Variants in PPFIA4 observed in about 807,000 individuals in gnomAD.
The protein encoded by PPFIA4 is liprin-alpha-4.
Under a neutral mutation model 145.7 loss-of-function variants are expected in PPFIA4, and 98 were observed. That is an observed-to-expected ratio of 0.67 (90% CI 0.57 to 0.80). PPFIA4 has a LOEUF of 0.80. Ranked by LOEUF, PPFIA4 falls within the 30% of genes least tolerant of loss-of-function variation. The probability of loss-of-function intolerance (pLI) is 0.00; values close to 1 mark genes in which losing one functional copy is unlikely to be tolerated. For synonymous variants in PPFIA4, 628 were observed against 649.6 expected (o/e 0.97, Z 0.51); for missense variants, 1,457 against 1,632.7 (o/e 0.89, Z 1.85).
chr1:203,073,139 G>A (rs1289949376), intron 28 of PPFIA4, among the ~76,000 whole-genome samples: 1 of 152,188 alleles, frequency 6.6e-6, no homozygotes, highest in East Asian at 1.9e-4. Flanking sequence ...AGGCATGGTG[G>A]TTAGTGATGA....
rs1662224749 is a variant in PPFIA4 at position 203,072,277 on chromosome 1, AAC to A, written c.3393+522_3393+523del. 4.6e-5 allele frequency among the ~76,000 whole-genome samples: 7 copies of A among 152,208 alleles called. No individual in the cohort carries two copies. The South Asian group carries it at 1.5e-3, about 32-fold the overall frequency. On this transcript the variant is annotated intron_variant, in intron 28 of 29. Coordinates refer to ENST00000295706, the MANE Select transcript of PPFIA4 (RefSeq NM_001304331.2). ...GCTCCCAGTGCAGTCTGCACAGTTA[AAC>A]ACACGCTCGGGCTTTTACCATCCCA...
At chr1:203,046,072 C>T in intron 8 of PPFIA4, 85 bp downstream of exon 8, 2 of 1,584,706 alleles carry the variant, frequency 1.3e-6, no homozygotes, top group Non-Finnish European at 1.7e-6. Flanking sequence ...GGCTGAGGAG[C>T]CCCTGGGGTC....
intron 15 of PPFIA4, among the ~76,000 whole-genome samples, chr1:203,054,359 CAA>C (rs1191772805): frequency 2.0e-5 from 3 of 152,114 alleles, no homozygotes; most frequent in Non-Finnish European, 4.4e-5. Flanking sequence ...GTTTTACAGA[CAA>C]GGGAACAGAA....
intron 27 of PPFIA4, 83 bp from the exon 28 acceptor site, chr1:203,071,609 C>A: frequency 8.8e-7 from 1 of 1,131,728 alleles, no homozygotes; most frequent in Non-Finnish European, 1.3e-6. Context: ...GACCTTGGAC[C>A]CTTGGAAAAT....
Position 203,048,772 on chromosome 1 carries a change from G to A in PPFIA4, c.1356+58G>A. On this transcript the variant is annotated intron_variant, in intron 11 of 29. Coordinates refer to ENST00000295706, the MANE Select transcript of PPFIA4 (RefSeq NM_001304331.2). The surrounding 1 kb of genome is among the most constrained non-coding windows in gnomAD (Gnocchi z 5.8). ...GTTAGTGCTGGGTGTGGGGCGGGGG[G>A]AGGCGGGACTGTGATGGGCGCAGGC... is the stretch of plus-strand genomic sequence containing the variant. 1.3e-6 allele frequency: 2 copies of A among 1,567,208 alleles called. No individual in the cohort carries two copies. The highest frequency in any genetic ancestry group is 1.8e-5 in the Admixed American group (1 of 55,562).
At chr1:203,044,292 C>T in intron 4 of PPFIA4, 87 bp from the exon 5 acceptor site, 2 of 1,322,100 alleles carry the variant, frequency 1.5e-6, no homozygotes, top group Non-Finnish European at 2.1e-6. Flanking sequence ...TCCTCATGCT[C>T]AGTGGTGGTA....
intron 24 of PPFIA4, chr1:203,063,302 C>T (rs2102678505): frequency 6.3e-6 from 1 of 159,506 alleles, no homozygotes; most frequent in Middle Eastern, 3.0e-3. Context: ...GTGCTGCTGG[C>T]TATTCAGGCA....
intron 6 of PPFIA4, 65 bp downstream of exon 6, chr1:203,044,850 G>T (rs1161132945): frequency 7.3e-7 from 1 of 1,375,524 alleles, no homozygotes; most frequent in Non-Finnish European, 1.0e-6. Context: ...TGGAGGCCCG[G>T]CTCTGCCTTA....
Position 203,046,145 on chromosome 1 carries a change from C to T in PPFIA4, c.1006-103C>T, listed in dbSNP as rs536730316. The T allele has an allele frequency of 3.2e-4, 490 of 1,542,202 alleles. 7 individuals carry two copies. The East Asian group carries it at 0.011, about 34-fold the overall frequency. Reference sequence around the variant, plus strand: ...CGGGCAGCCAACAACCAAGATTGTCCCTTGCTGCTTCTGACCTGTCATCTG... The same window carrying T: ...CGGGCAGCCAACAACCAAGATTGTCTCTTGCTGCTTCTGACCTGTCATCTG... On this transcript the variant is annotated intron_variant, in intron 8 of 29. Transcript: ENST00000295706.
At position 203,049,778 on chromosome 1, in the gene PPFIA4, G is replaced by A. The variant is rs376813657; in HGVS notation, c.1511+11G>A. The A allele has an allele frequency of 4.1e-5, 63 of 1,542,524 alleles. No homozygotes were observed. The highest frequency in any genetic ancestry group is 5.3e-5 in the Non-Finnish European group (61 of 1,143,410). ...TGGCGTCCACTCCAGGTACTGCAGC[G>A]CCAGAGGCTGGGCATGCCAGGACGG... On this transcript the variant is annotated intron_variant, in intron 13 of 29. Coordinates refer to ENST00000295706, the MANE Select transcript of PPFIA4 (RefSeq NM_001304331.2).
At chr1:203,073,664 A>G (rs1662325634) in intron 28 of PPFIA4, among the ~76,000 whole-genome samples, 1 of 152,186 alleles carries the variant, frequency 6.6e-6, no homozygotes, top group South Asian at 2.1e-4. Flanking sequence ...GGCGGTATCC[A>G]GTTCTCCCTG....
At chr1:203,029,024 C>G (rs1229238437) in intron 1 of PPFIA4, among the ~76,000 whole-genome samples, 3 of 152,040 alleles carry the variant, frequency 2.0e-5, no homozygotes, top group Admixed American at 6.5e-5. Context: ...ATTTGCTGTA[C>G]TGGGAGGGGC....
intron 1 of PPFIA4, among the ~76,000 whole-genome samples, chr1:203,027,965 C>T (rs989292052): frequency 1.3e-5 from 2 of 152,222 alleles, no homozygotes; most frequent in African/African-American, 2.4e-5. Flanking sequence ...AGGGAAGCTG[C>T]CTAAGCAAAA....
At chr1:203,058,281 GA>G (rs1661116786) in intron 19 of PPFIA4, among the ~76,000 whole-genome samples, 1 of 152,172 alleles carries the variant, frequency 6.6e-6, no homozygotes, top group Non-Finnish European at 1.5e-5. Context: ...GAGACAGGGA[GA>G]GGTCTGTGTG....
rs1436367903 is a variant in PPFIA4, at chr1:203,038,653, G to A, written c.-356G>A. 1.7e-5 allele frequency: 3 copies of A among 178,446 alleles called. No individual in the cohort carries two copies. Among genetic ancestry groups the A allele is most frequent in the Non-Finnish European group, 3.5e-5 (3 of 84,908 alleles). 11.1% of individuals were successfully genotyped at this position (178,446 alleles called of 1,614,324 possible). ...ACGATGGGTGTCGCTAGATCCAGCTGGGACTCTGCCAGCCTCCGGCACTCA... is the reference window on the plus strand; with the variant it reads ...ACGATGGGTGTCGCTAGATCCAGCTAGGACTCTGCCAGCCTCCGGCACTCA... On this transcript the variant is annotated 5_prime_UTR_variant, in exon 2 of 30. The change creates a premature stop within an existing upstream ORF in the 5' untranslated region. Coordinates refer to ENST00000295706, the MANE Select transcript of PPFIA4 (RefSeq NM_001304331.2).
chr1:203,045,627 G>T, intron 7 of PPFIA4, 68 bp downstream of exon 7: 1 of 1,485,398 alleles, frequency 6.7e-7, no homozygotes, highest in Non-Finnish European at 9.0e-7. Context: ...CCAGGCAAAG[G>T]CTCTGGGGCG....
At position 203,060,519 on chromosome 1, in the gene PPFIA4, C is replaced by T. The variant is rs1661287813; in HGVS notation, c.2784+102C>T. 8.5e-7 allele frequency: 1 copy of T among 1,175,706 alleles called. No individual in the cohort carries two copies. Among genetic ancestry groups the T allele is most frequent in the Admixed American group, 1.9e-5 (1 of 54,038 alleles). The allele number at this position is 1,175,706 out of a possible 1,614,324, so 72.8% of individuals were successfully genotyped here. A position where few individuals can be genotyped will look rare whatever the true frequency, so the allele number is the denominator to read the frequency against. The stretch of plus-strand genomic sequence containing the variant: ...GGGAAGATGGCAGCATTGAGCCCTG[C>T]CCCTTCCTTCCCATCCTCACAAAGG... On this transcript the variant is annotated intron_variant, in intron 22 of 29. Coordinates refer to ENST00000295706, the MANE Select transcript of PPFIA4 (RefSeq NM_001304331.2). The surrounding 1 kb of genome is among the most constrained non-coding windows in gnomAD (Gnocchi z 4.8).
intron 24 of PPFIA4, among the ~76,000 whole-genome samples, chr1:203,062,260 G>A (rs948459379): frequency 6.6e-6 from 1 of 151,376 alleles, no homozygotes; most frequent in Non-Finnish European, 1.5e-5. Flanking sequence ...GGCGGATCAC[G>A]AGGTCAGGAG....
At chr1:203,036,603 G>A (rs542507999) in intron 1 of PPFIA4, among the ~76,000 whole-genome samples, 2 of 152,312 alleles carry the variant, frequency 1.3e-5, no homozygotes, top group East Asian at 3.9e-4. Flanking sequence ...GCTTGGGGGG[G>A]TAGGCTGGGG....
Sources: gnomAD v4.1 joint callset for allele counts (sites outside exome capture counted in the v4.1 genomes callset) on GRCh38, gnomAD v4.1.1 for gene constraint, Gnocchi (gnomAD v3.1) non-coding constraint, MANE v1.5 for transcripts, NCBI Gene and HGNC (gene_info 2026-07-23, HGNC 2026-07-21) for gene names.